GEMIN5: variants seen among roughly 807,000 people sequenced by gnomAD.
GEMIN5 encodes gem-associated protein 5.
In GEMIN5, 124 loss-of-function variants were observed where a neutral mutation model predicts 176.9. That is an observed-to-expected ratio of 0.70 (90% confidence interval 0.61 to 0.81). The LOEUF is 0.81. GEMIN5 is among the 40% of genes least tolerant of loss of function. The pLI is 0.00. For synonymous variants in GEMIN5, 673 were observed against 665.2 expected (o/e 1.01, Z -0.18); for missense variants, 1,843 against 1,814.6 (o/e 1.02, Z -0.28).
chr5:154,929,861 CT>C (rs770971087), intron 5 of GEMIN5, among the ~76,000 whole-genome samples: 48 of 152,334 alleles, frequency 3.2e-4, no homozygotes, highest in Admixed American at 8.5e-4. Flanking sequence ...TATGATAAAA[CT>C]ATCATGGTTT....
intron 24 of GEMIN5, among the ~76,000 whole-genome samples, chr5:154,893,529 C>G (rs765029170): frequency 5.9e-5 from 9 of 152,132 alleles, no homozygotes; most frequent in South Asian, 2.1e-4. Flanking sequence ...TATATAGTTA[C>G]AACACTACCA....
rs759202724 is a variant in GEMIN5 at position 154,937,002 on chromosome 5, G to T, written c.327+23C>A. The T allele has an allele frequency of 3.1e-6, 5 of 1,592,744 alleles. No individual in the cohort carries two copies. The South Asian group carries it at 5.6e-5, about 18-fold the overall frequency. ...CAGCACAGATAGATAAAAACGGTTT[G>T]AGAAACCAGTAAGCCATGGTACCTG... On this transcript the variant is annotated intron_variant, in intron 2 of 27. Transcript: ENST00000285873.
In GEMIN5 at chr5:154,903,149, C is replaced by A. The variant is rs1420363426; in HGVS notation, c.2659G>T (p.Val887Phe). Residue 887 changes from valine to phenylalanine, a missense_variant, in exon 19 of 28, where the codon GTT (valine) becomes TTT (phenylalanine). Val to Phe is a conservative substitution (Grantham distance 50, BLOSUM62 -1). Coordinates refer to ENST00000285873, the MANE Select transcript of GEMIN5 (RefSeq NM_015465.5). ...AGCCCCAGATGAAATCTTTCCTCAA[C>A]ATCAGCAGACACATCTTCATTCAGC... is the stretch of plus-strand genomic sequence containing the variant. ...RELNEDVSAD[V>F]EERFHLGLFT... is the part of the protein sequence containing the mutation. 1 of 1,612,190 alleles carries A rather than the reference C, an allele frequency of 6.2e-7. No homozygotes were observed.
At position 154,904,565 on chromosome 5, in the gene GEMIN5, T is replaced by A; in HGVS notation, c.2574A>T (p.Arg858Ser). 1.2e-6 allele frequency: 2 copies of A among 1,612,536 alleles called. No homozygotes were observed. Among genetic ancestry groups the A allele is most frequent in the Non-Finnish European group, 1.7e-6 (2 of 1,178,518 alleles). ...LLPLSTSLDHRSKEELHQDCL... is the reference protein window; with the variant it reads ...LLPLSTSLDHSSKEELHQDCL... ...AGTCCTGATGAAGCTCCTCTTTGGA[T>A]CTGTGGTCCAGGCTTGTACTCAGGG... The change falls in exon 18 of 28, where the codon AGA becomes AGT. Residue 858 changes from arginine (R) to serine (S), a missense_variant. Arg to Ser is a moderately radical substitution (Grantham distance 110). Coordinates refer to ENST00000285873, the MANE Select transcript of GEMIN5 (RefSeq NM_015465.5).
At chr5:154,900,818 T>G (rs1413282709) in intron 21 of GEMIN5, among the ~76,000 whole-genome samples, 1 of 152,176 alleles carries the variant, frequency 6.6e-6, no homozygotes, top group Non-Finnish European at 1.5e-5. Flanking sequence ...ACTCAGGACT[T>G]GGAGACATCT....
At chr5:154,895,710 T>C (rs1408282752) in intron 24 of GEMIN5, among the ~76,000 whole-genome samples, 1 of 152,224 alleles carries the variant, frequency 6.6e-6, no homozygotes, top group Non-Finnish European at 1.5e-5. Context: ...TTTCTAGACT[T>C]TTTATTTTAC....
At chr5:154,931,845 C>T (rs747275630) in intron 4 of GEMIN5, 84 of 489,554 alleles carry the variant, frequency 1.7e-4, no homozygotes, top group Non-Finnish European at 2.2e-4. Flanking sequence ...AGAAACCTGT[C>T]TCTACTAAAA....
Position 154,919,962 on chromosome 5 carries a change from C to G in GEMIN5, c.1599+5G>C, listed in dbSNP as rs1001219430. On this transcript the variant is annotated splice_donor_5th_base_variant and intron_variant, in intron 11 of 27. Transcript: ENST00000285873. Reference sequence around the variant, plus strand: ...AGAAAATACTTCAGGACCACAAGAACTCACTTTGATTGAATTGGTGTCCCT... The same window carrying G: ...AGAAAATACTTCAGGACCACAAGAAGTCACTTTGATTGAATTGGTGTCCCT... 2 of 1,611,994 alleles carry G rather than the reference C, an allele frequency of 1.2e-6. No homozygotes were observed. Among genetic ancestry groups the G allele is most frequent in the Non-Finnish European group, 1.7e-6 (2 of 1,179,256 alleles).
intron 4 of GEMIN5, 102 bp downstream of exon 4, chr5:154,931,997 C>T (rs554447211): frequency 2.0e-5 from 20 of 987,596 alleles, no homozygotes; most frequent in Admixed American, 4.9e-5. Flanking sequence ...AAAAGCAAAA[C>T]TCCGTCTCCA....
chr5:154,892,531 G>A lies in GEMIN5; in HGVS notation c.3616C>T (p.His1206Tyr), dbSNP rs1763253658. 9 of 1,614,032 alleles carry A rather than the reference G, an allele frequency of 5.6e-6. No individual in the cohort carries two copies. The highest frequency in any genetic ancestry group is 7.6e-6 in the Non-Finnish European group (9 of 1,179,960). Residue 1206 changes from histidine to tyrosine, a missense_variant, in exon 25 of 28, where the codon CAT becomes TAT. Transcript: ENST00000285873. ...PAKQLLLHICHDLTLAVLSQQ... is the reference protein window; with the variant it reads ...PAKQLLLHICYDLTLAVLSQQ... ...CTCAGCACTGCCAGGGTCAAGTCAT[G>A]GCAAATGTGAAGCAGGAGCTGGAGA...
At chr5:154,918,742 A>G (rs993156846) in intron 11 of GEMIN5, among the ~76,000 whole-genome samples, 1 of 152,200 alleles carries the variant, frequency 6.6e-6, no homozygotes, top group Non-Finnish European at 1.5e-5. Flanking sequence ...AATGAGCAAT[A>G]ATATAAAAAT....
intron 23 of GEMIN5, 70 bp downstream of exon 23, chr5:154,898,370 T>TACAGCTTGTGCAAC: frequency 7.2e-7 from 1 of 1,389,142 alleles, no homozygotes; most frequent in East Asian, 2.3e-5. Flanking sequence ...GGTTATTAAC[T>TACAGCTTGTGCAAC]TGGATTTGAC....
rs1401692845 is a variant in GEMIN5 at position 154,907,285 on chromosome 5, T to C, written c.2395+306A>G. Reference sequence around the variant, plus strand: ...TGTCATACTGTTAAAACTTTTCCCATGTAAGTTCCTATGTACACAACTGAC... The same window carrying C: ...TGTCATACTGTTAAAACTTTTCCCACGTAAGTTCCTATGTACACAACTGAC... On this transcript the variant is annotated intron_variant, in intron 16 of 27. Transcript: ENST00000285873. Among the ~76,000 whole-genome samples, 4 of 152,206 alleles carry C rather than the reference T, an allele frequency of 2.6e-5. 1 individual carries two copies. The highest frequency in any genetic ancestry group is 4.1e-4 in the South Asian group (2 of 4,828).
intron 21 of GEMIN5, 122 bp downstream of exon 21, chr5:154,901,217 G>T: frequency 1.1e-6 from 1 of 916,050 alleles, no homozygotes; most frequent in Non-Finnish European, 1.7e-6. Flanking sequence ...AGTAGTCCCA[G>T]TTACTCAGGG....
At chr5:154,889,594 C>T (rs560744395) in intron 26 of GEMIN5, among the ~76,000 whole-genome samples, 177 bp from the exon 27 acceptor site, 4 of 152,298 alleles carry the variant, frequency 2.6e-5, no homozygotes, top group African/African-American at 7.2e-5. Context: ...AACATCCCCA[C>T]CACCCATTTC....
chr5:154,898,674 A>AT, intron 22 of GEMIN5, 24 bp from the exon 23 acceptor site: 1 of 1,518,266 alleles, frequency 6.6e-7, no homozygotes, highest in Non-Finnish European at 9.1e-7. Flanking sequence ...AAAAATGTGA[A>AT]GAAAATGTCA....
At chr5:154,930,590 C>G (rs1295762770) in intron 5 of GEMIN5, among the ~76,000 whole-genome samples, 1 of 151,972 alleles carries the variant, frequency 6.6e-6, no homozygotes, top group Non-Finnish European at 1.5e-5. Context: ...AAGCCAATCA[C>G]AAAAAGACAT....
rs539799476 is a variant in GEMIN5 at position 154,898,619 on chromosome 5, C to T, written c.3166G>A (p.Ala1056Thr). Residue 1056 changes from alanine (A) to threonine (T), a missense_variant, in exon 23 of 28, where the codon GCC (alanine) becomes ACC (threonine). Transcript: ENST00000285873. ...TCCCCCTTTTTGGCCAAAACTTTGG[C>T]TGCATCATAAGCACAAGTGGCCCCT... ...YLGATCAYDAAKVLAKKGDAA... is the reference protein window; with the variant it reads ...YLGATCAYDATKVLAKKGDAA... The T allele has an allele frequency of 1.7e-4, 281 of 1,613,902 alleles. 2 individuals carry two copies. The South Asian group carries it at 2.5e-3, about 15-fold the overall frequency.
rs1408919617 is a variant in GEMIN5 at position 154,889,369 on chromosome 5, C to T, written c.4311G>A (p.Arg1437=). The T allele has an allele frequency of 6.2e-7, 1 of 1,610,714 alleles. No individual in the cohort carries two copies. Among genetic ancestry groups the T allele is most frequent in the Non-Finnish European group, 8.5e-7 (1 of 1,177,214 alleles). Residue 1437 remains arginine (R), a synonymous_variant, in exon 27 of 28, where the codon AGG becomes AGA. Transcript: ENST00000285873. ...CCATTCTCTGATTTGCCTCGGTAAG[C>T]CTTTTGGTTAACTCAGGCAGAGAAA... ...EPLSLPELTK[R]LTEANQRMAK... is the part of the protein sequence containing the mutation.
Sources: gnomAD v4.1 joint callset for allele counts (sites outside exome capture counted in the v4.1 genomes callset) on GRCh38, gnomAD v4.1.1 for gene constraint, MANE v1.5 for transcripts, NCBI Gene and HGNC (gene_info 2026-07-23, HGNC 2026-07-21) for gene names.